Variants in BTBD7 observed in about 807,000 individuals in gnomAD.
BTBD7 encodes the protein BTB domain containing 7.
A neutral mutation model predicts 99.9 loss-of-function variants in BTBD7; 38 were observed. The ratio of observed to expected loss-of-function variants is 0.38; its 90% CI spans 0.29 to 0.50. The LOEUF (loss-of-function observed/expected upper bound fraction) is 0.50. BTBD7 is among the 20% of genes least tolerant of loss of function. BTBD7 has a pLI of 0.93. For synonymous variants in BTBD7, 520 were observed against 511.4 expected (o/e 1.02, Z -0.23); for missense variants, 1,170 against 1,394.6 (o/e 0.84, Z 2.57).
intron 1 of BTBD7, among the ~76,000 whole-genome samples, chr14:93,300,254 GTTCT>G (rs1297855325): frequency 0.042 from 5,700 of 136,852 alleles, 354 homozygotes; most frequent in African/African-American, 0.14. Context: ...TTCTTTCTTT[GTTCT>G]TTTTTTTTTT....
Position 93,306,082 on chromosome 14 carries a change from C to G in BTBD7, c.-106-9925G>C, listed in dbSNP as rs913887650. 5.3e-5 allele frequency among the ~76,000 whole-genome samples: 8 copies of G among 152,250 alleles called. No homozygotes were observed. The South Asian group carries it at 1.5e-3, about 28-fold the overall frequency. On this transcript the variant is annotated intron_variant, in intron 1 of 10. Coordinates refer to ENST00000334746, the MANE Select transcript of BTBD7 (RefSeq NM_001002860.4). Reference sequence around the variant, plus strand: ...GGGAACAGCAAATCATAGTAGACATCTATAATAAAAAATTAAGTAATACAT... The same window carrying G: ...GGGAACAGCAAATCATAGTAGACATGTATAATAAAAAATTAAGTAATACAT...
At position 93,239,419 on chromosome 14, in the gene BTBD7, T is replaced by G. The variant is rs1243837890; in HGVS notation, c.*2854A>C. 1 of 152,050 alleles carries G rather than the reference T, an allele frequency of 6.6e-6. No individual in the cohort carries two copies. The highest frequency in any genetic ancestry group is 1.5e-5 in the Non-Finnish European group (1 of 67,938). The allele number at this position is 152,050 out of a possible 1,614,324, so 9.4% of individuals were successfully genotyped here. ...ATACCAAGTAAAATGCCAGTTCCCA[T>G]GGCCTAAATTTTATTTTATATATAT... On this transcript the variant is annotated 3_prime_UTR_variant, in exon 11 of 11. Coordinates refer to ENST00000334746, the MANE Select transcript of BTBD7 (RefSeq NM_001002860.4).
chr14:93,273,800 C>T (rs548947231), intron 3 of BTBD7, among the ~76,000 whole-genome samples: 6 of 152,320 alleles, frequency 3.9e-5, no homozygotes, highest in Middle Eastern at 3.4e-3. Context: ...CCAGCACAGT[C>T]TGATTGGGAA....
At chr14:93,243,800 T>C (rs943291199) in intron 10 of BTBD7, among the ~76,000 whole-genome samples, 3 of 152,208 alleles carry the variant, frequency 2.0e-5, no homozygotes, top group Non-Finnish European at 4.4e-5. Context: ...AACAGACAAA[T>C]AAATTACCTT....
At chr14:93,324,328 C>T (rs951144600) in intron 1 of BTBD7, among the ~76,000 whole-genome samples, 6 of 151,170 alleles carry the variant, frequency 4.0e-5, no homozygotes, top group African/African-American at 1.5e-4. Flanking sequence ...AAGCCTGAAG[C>T]AGGAGGACTG....
chr14:93,289,077 G>A (rs1382992569), intron 3 of BTBD7, among the ~76,000 whole-genome samples: 1 of 151,948 alleles, frequency 6.6e-6, no homozygotes, highest in African/African-American at 2.4e-5. Flanking sequence ...CGAATTGAGG[G>A]GGCGGGGACA....
chr14:93,251,417 C>T (rs767189461), intron 8 of BTBD7, 46 bp downstream of exon 8: 2 of 1,494,924 alleles, frequency 1.3e-6, no homozygotes, highest in Non-Finnish European at 1.8e-6. Context: ...TTCAAAAAAA[C>T]AATAAATTAT....
intron 5 of BTBD7, among the ~76,000 whole-genome samples, chr14:93,259,662 G>T (rs548852140): frequency 1.3e-4 from 20 of 152,312 alleles, no homozygotes; most frequent in African/African-American, 4.1e-4. Context: ...TAAATCAACT[G>T]TAATGGTTTT....
intron 3 of BTBD7, among the ~76,000 whole-genome samples, chr14:93,287,334 C>CCCCCCCCCCCCCCCCCCCCCCCCCCTTCT (rs2052792450): frequency 7.2e-6 from 1 of 138,046 alleles, no homozygotes; most frequent in Admixed American, 7.2e-5. Context: ...CCCCCCACCC[C>CCCCCCCCCCCCCCCCCCCCCCCCCCTTCT]GTCCTACATC....
chr14:93,308,159 C>T (rs190964299), intron 1 of BTBD7, among the ~76,000 whole-genome samples: 105 of 151,998 alleles, frequency 6.9e-4, no homozygotes, highest in African/African-American at 2.2e-3. Flanking sequence ...TGGTGGTGGG[C>T]GCCTGCAGTC....
intron 1 of BTBD7, among the ~76,000 whole-genome samples, chr14:93,307,566 A>G (rs1172990896): frequency 2.0e-5 from 3 of 152,130 alleles, no homozygotes; most frequent in Non-Finnish European, 2.9e-5. Context: ...CTTGAAAAGC[A>G]TTTCTTACTC....
chr14:93,316,830 T>C (rs7159126), intron 1 of BTBD7, among the ~76,000 whole-genome samples: 55,927 of 151,952 alleles, frequency 0.37, 11,619 homozygotes, highest in African/African-American at 0.58. Context: ...AAAATGCCCA[T>C]GTAACATAGA....
chr14:93,302,661 A>G (rs1320488619), intron 1 of BTBD7, among the ~76,000 whole-genome samples: 2 of 152,196 alleles, frequency 1.3e-5, no homozygotes, highest in African/African-American at 4.8e-5. Flanking sequence ...CCTGACCAAC[A>G]TGGTGAAACC....
chr14:93,280,989 C>T (rs1293425562), intron 3 of BTBD7, among the ~76,000 whole-genome samples: 1 of 151,814 alleles, frequency 6.6e-6, no homozygotes, highest in South Asian at 2.1e-4. Flanking sequence ...CCCACCACCA[C>T]GCCCAGCTAA....
intron 1 of BTBD7, among the ~76,000 whole-genome samples, chr14:93,308,490 C>T (rs1378840310): frequency 6.6e-6 from 1 of 152,024 alleles, no homozygotes; most frequent in Non-Finnish European, 1.5e-5. Flanking sequence ...TATGATCCAG[C>T]AATTCCATTT....
Position 93,240,472 on chromosome 14 carries a change from C to G in BTBD7, c.*1801G>C, listed in dbSNP as rs1039803570. 3 of 152,616 alleles carry G rather than the reference C, an allele frequency of 2.0e-5. No individual in the cohort carries two copies. The highest frequency in any genetic ancestry group is 4.4e-5 in the Non-Finnish European group (3 of 68,044). 9.5% of individuals were successfully genotyped at this position (152,616 alleles called of 1,614,324 possible). A position where few individuals can be genotyped will look rare whatever the true frequency, so the allele number is the denominator to read the frequency against. ...TATTTACTTCAAAGTGCATGTAATT[C>G]ATTTACCCGGTAGCTCATAAACGCT... On this transcript the variant is annotated 3_prime_UTR_variant, in exon 11 of 11. Transcript: ENST00000334746.
intron 1 of BTBD7, among the ~76,000 whole-genome samples, chr14:93,326,673 G>A (rs956890777): frequency 9.9e-5 from 15 of 151,964 alleles, no homozygotes; most frequent in African/African-American, 2.2e-4. Context: ...GTGGTGGCGC[G>A]TACCTACAGT....
chr14:93,278,977 A>G (rs1413576349), intron 3 of BTBD7, among the ~76,000 whole-genome samples: 1 of 152,218 alleles, frequency 6.6e-6, no homozygotes, highest in Non-Finnish European at 1.5e-5. Context: ...CTCCTGAACA[A>G]ATGAATACAC....
At chr14:93,290,215 ATTT>A (rs565702489) in intron 3 of BTBD7, among the ~76,000 whole-genome samples, 1 of 134,328 alleles carries the variant, frequency 7.4e-6, no homozygotes, top group Non-Finnish European at 1.6e-5. Context: ...CTGCCTTTTA[ATTT>A]TTTTTTTTTT....
Sources: gnomAD v4.1 joint callset for allele counts (sites outside exome capture counted in the v4.1 genomes callset) on GRCh38, gnomAD v4.1.1 for gene constraint, MANE v1.5 for transcripts, NCBI Gene and HGNC (gene_info 2026-07-23, HGNC 2026-07-21) for gene names.